The following GPR33 variants were observed in gnomAD, a reference collection of about 807,000 sequenced individuals.
GPR33 encodes the protein probable G protein-coupled receptor 33.
Under a neutral mutation model 3.1 loss-of-function variants are expected in GPR33, and 4 were observed. That is an observed-to-expected ratio of 1.29 (90% confidence interval 0.64 to 2.96). The LOEUF is 2.96. GPR33 is among the 30% of genes most tolerant of loss of function. The pLI is 0.01. For missense variants in GPR33, 390 were observed against 388.9 expected, an observed-to-expected ratio of 1.00 and a Z score of -0.02; for synonymous variants, 138 against 142.0, an observed-to-expected ratio of 0.97 and a Z score of 0.20.
At chr14:31,485,840 A>G (rs2032414393) in intron 1 of GPR33, among the ~76,000 whole-genome samples, 1 of 152,138 alleles carries the variant, frequency 6.6e-6, no homozygotes, top group Admixed American at 6.5e-5. Flanking sequence ...AGTGTTTTTA[A>G]TAATGCTCAG....
intron 1 of GPR33, among the ~76,000 whole-genome samples, chr14:31,487,432 G>T (rs1186859781): frequency 1.4e-3 from 96 of 70,342 alleles, no homozygotes; most frequent in East Asian, 3.4e-3. Context: ...AAGCCCCTCA[G>T]TTTTTTTTTT....
Position 31,483,247 on chromosome 14 carries a change from G to T in GPR33, c.719C>A (p.Ser240Tyr), listed in dbSNP as rs2032380414. Residue 240 changes from serine to tyrosine, a missense_variant, in exon 2 of 2, where the codon TCC becomes TAC. Transcript: ENST00000399285. Reference sequence around the variant, plus strand: ...CATCATAACTTTGAAGGGCTTGCTGGATTTAAACAGGCTCCTCTCTTTCAC... The same window carrying T: ...CATCATAACTTTGAAGGGCTTGCTGTATTTAAACAGGCTCCTCTCTTTCAC... ...SKVKERSLFK[S>Y]SKPFKVMMTA... 1.3e-6 allele frequency: 2 copies of T among 1,535,996 alleles called. No individual in the cohort carries two copies. Among genetic ancestry groups the T allele is most frequent in the Non-Finnish European group, 8.7e-7 (1 of 1,146,928 alleles).
In GPR33 at chr14:31,483,670, G is replaced by T. The variant is rs887562033; in HGVS notation, c.296C>A (p.Ala99Asp). The T allele has an allele frequency of 6.5e-7, 1 of 1,536,190 alleles. No individual in the cohort carries two copies. Among genetic ancestry groups the T allele is most frequent in the Admixed American group, 2.0e-5 (1 of 51,006 alleles). Residue 99 changes from alanine (A) to aspartate (D), a missense_variant, in exon 2 of 2, where the codon GCC becomes GAC. Physicochemically the swap from Ala to Asp is moderately radical, Grantham distance 126. Transcript: ENST00000399285. ...LQDNHWNFGTALCKVFNGTLS... is the reference protein window; with the variant it reads ...LQDNHWNFGTDLCKVFNGTLS... Reference sequence around the variant, plus strand: ...AGTGCCATTGAAGACCTTGCACAAGGCAGTTCCAAAGTTCCAGTGATTGTC... The same window carrying T: ...AGTGCCATTGAAGACCTTGCACAAGTCAGTTCCAAAGTTCCAGTGATTGTC...
rs17097918 is a variant in GPR33 at position 31,483,538 on chromosome 14, C to G, written c.428G>C (p.Arg143Pro). Residue 143 changes from arginine to proline, a missense_variant, in exon 2 of 2, where the codon CGC becomes CCC. Physicochemically the swap from Arg to Pro is moderately radical, Grantham distance 103. Transcript: ENST00000399285. ...TCCCAGGACAATGCTGGAAGCCCAG[C>G]GCGGGGTTCGGTGCTGCTGGGACCA... ...PVWSQQHRTP[R>P]WASSIVLGVW... 1.3e-6 allele frequency: 2 copies of G among 1,536,026 alleles called. No homozygotes were observed. The highest frequency in any genetic ancestry group is 3.9e-5 in the Admixed American group (2 of 50,986).
At chr14:31,484,368 C>A (rs892031875) in intron 1 of GPR33, among the ~76,000 whole-genome samples, 1 of 151,984 alleles carries the variant, frequency 6.6e-6, no homozygotes, top group Non-Finnish European at 1.5e-5. Context: ...TCAGCCTCAA[C>A]CTCCTGGGCT....
At chr14:31,487,674 G>C (rs1344718313) in intron 1 of GPR33, among the ~76,000 whole-genome samples, 2 of 151,996 alleles carry the variant, frequency 1.3e-5, no homozygotes, top group African/African-American at 4.8e-5. Context: ...TCCTGACCTT[G>C]TGATCTGCCC....
At chr14:31,484,314 C>A (rs542643071) in intron 1 of GPR33, among the ~76,000 whole-genome samples, 1 of 151,962 alleles carries the variant, frequency 6.6e-6, no homozygotes, top group Admixed American at 6.6e-5. Flanking sequence ...TAGGATCTCA[C>A]TCTGTCACCC....
chr14:31,483,254 A>G lies in GPR33; in HGVS notation c.712T>C (p.Phe238Leu), dbSNP rs1183727538. The G allele has an allele frequency of 6.5e-7, 1 of 1,536,024 alleles. No homozygotes were observed. Among genetic ancestry groups the G allele is most frequent in the African/African-American group, 1.4e-5 (1 of 73,054 alleles). ...ACTTTGAAGGGCTTGCTGGATTTAA[A>G]CAGGCTCCTCTCTTTCACCTTGCTG... ...VASKVKERSL[F>L]KSSKPFKVMM... Residue 238 changes from phenylalanine (F) to leucine (L), a missense_variant, in exon 2 of 2, where the codon TTT (phenylalanine) becomes CTT (leucine). Transcript: ENST00000399285.
chr14:31,487,520 A>G (rs1595233742), intron 1 of GPR33, among the ~76,000 whole-genome samples: 1 of 138,564 alleles, frequency 7.2e-6, no homozygotes, highest in Non-Finnish European at 1.5e-5. Context: ...GCTCACTGCA[A>G]CCTCCGCCTC....
rs1956687662 is a variant in GPR33 at position 31,483,076 on chromosome 14, G to A, written c.890C>T (p.Thr297Ile). Reference protein sequence around the residue: ...TTSFNTIFSPTLYLFVGENFK... With the variant: ...TTSFNTIFSPILYLFVGENFK... ...ATTCTCCCCAACAAATAAGTAGAGT[G>A]TGGGAGAAAAGATAGTATTGAAAGA... The change falls in exon 2 of 2, where the codon ACA becomes ATA. Residue 297 changes from threonine to isoleucine, a missense_variant. Transcript: ENST00000399285. 1 of 1,536,014 alleles carries A rather than the reference G, an allele frequency of 6.5e-7. No homozygotes were observed. The highest frequency in any genetic ancestry group is 8.7e-7 in the Non-Finnish European group (1 of 1,146,906).
Position 31,482,947 on chromosome 14 carries a change from A to T in GPR33, c.*17T>A. ...TGTTTGCTTAAGAATCTAGAATTTAAATTTAGGCTTCTGAGTTTAGGTTTG... is the reference window on the plus strand; with the variant it reads ...TGTTTGCTTAAGAATCTAGAATTTATATTTAGGCTTCTGAGTTTAGGTTTG... On this transcript the variant is annotated 3_prime_UTR_variant, in exon 2 of 2. Coordinates refer to ENST00000399285, the MANE Select transcript of GPR33 (RefSeq NM_001197184.3). The T allele has an allele frequency of 6.8e-7, 1 of 1,480,402 alleles. No homozygotes were observed. 91.7% of individuals were successfully genotyped at this position (1,480,402 alleles called of 1,614,324 possible). A position where few individuals can be genotyped will look rare whatever the true frequency, so the allele number is the denominator to read the frequency against.
At chr14:31,487,381 T>C (rs2032429901) in intron 1 of GPR33, among the ~76,000 whole-genome samples, 1 of 150,720 alleles carries the variant, frequency 6.6e-6, no homozygotes, top group African/African-American at 2.4e-5. Context: ...ACTTACCAGC[T>C]CTGCAAGTTC....
At chr14:31,485,406 T>C (rs61994238) in intron 1 of GPR33, among the ~76,000 whole-genome samples, 43,264 of 150,962 alleles carry the variant, frequency 0.29, 7,773 homozygotes, top group Non-Finnish European at 0.41. Flanking sequence ...GAGGCCGAGG[T>C]GGGCGGATCA....
At position 31,483,659 on chromosome 14, in the gene GPR33, C is replaced by T. The variant is rs962344033; in HGVS notation, c.307G>A (p.Val103Ile). 2 of 1,536,118 alleles carry T rather than the reference C, an allele frequency of 1.3e-6. No individual in the cohort carries two copies. ...CCCAGAGACAAAGTGCCATTGAAGA[C>T]CTTGCACAAGGCAGTTCCAAAGTTC... is the stretch of plus-strand genomic sequence containing the variant. ...HWNFGTALCKVFNGTLSLGMF... is the reference protein window; with the variant it reads ...HWNFGTALCKIFNGTLSLGMF... Residue 103 changes from valine to isoleucine, a missense_variant, in exon 2 of 2, where the codon GTC (valine) becomes ATC (isoleucine). Coordinates refer to ENST00000399285, the MANE Select transcript of GPR33 (RefSeq NM_001197184.3).
chr14:31,485,282 G>A (rs1169025131), intron 1 of GPR33, among the ~76,000 whole-genome samples: 1 of 151,930 alleles, frequency 6.6e-6, no homozygotes, highest in Non-Finnish European at 1.5e-5. Flanking sequence ...GGACAAAAAG[G>A]AGAAAAGTCA....
In GPR33 at chr14:31,483,750, G is replaced by C; in HGVS notation, c.216C>G (p.Leu72=). Residue 72 remains leucine, a synonymous_variant, in exon 2 of 2, where the codon CTC becomes CTG. Transcript: ENST00000399285. ...GAATCATTGTTGAAATAAAATAAGA[G>C]AGAATGAGATGAAAAAATAAGAGAG... ...VNTLLFFHLI[L]SYFISTMILP... is the part of the protein sequence containing the mutation. The C allele has an allele frequency of 1.3e-6, 2 of 1,536,084 alleles. No individual in the cohort carries two copies. Among genetic ancestry groups the C allele is most frequent in the Non-Finnish European group, 1.7e-6 (2 of 1,146,894 alleles).
At chr14:31,486,423 C>T (rs1439316598) in intron 1 of GPR33, among the ~76,000 whole-genome samples, 1 of 152,212 alleles carries the variant, frequency 6.6e-6, no homozygotes, top group Non-Finnish European at 1.5e-5. Context: ...AAAATCACAA[C>T]TTCCTAAGTT....
intron 1 of GPR33, among the ~76,000 whole-genome samples, chr14:31,485,582 C>T (rs1262432792): frequency 4.0e-5 from 6 of 149,550 alleles, no homozygotes; most frequent in African/African-American, 1.2e-4. Context: ...TGCAGTGAGC[C>T]GAACCGAGAT....
In GPR33 at chr14:31,483,380, C is replaced by G; in HGVS notation, c.586G>C (p.Ala196Pro). The change falls in exon 2 of 2, where the codon GCA (alanine) becomes CCA (proline). Residue 196 changes from alanine to proline, a missense_variant. Physicochemically the swap from Ala to Pro is conservative, Grantham distance 27. Transcript: ENST00000399285. ...GCCACATGAATCCACTGCCTTGATG[C>G]TTGCATCTCCTTGCTTTCCCAGTTA... ...STNWESKEMQASRQWIHVACF... is the reference protein window; with the variant it reads ...STNWESKEMQPSRQWIHVACF... 8 of 1,536,172 alleles carry G rather than the reference C, an allele frequency of 5.2e-6. No individual in the cohort carries two copies. The highest frequency in any genetic ancestry group is 7.0e-6 in the Non-Finnish European group (8 of 1,146,914).
Sources: allele counts gnomAD v4.1 joint callset (sites outside exome capture counted in the v4.1 genomes callset), GRCh38; gene constraint gnomAD v4.1.1; transcripts MANE v1.5; gene names NCBI Gene and HGNC (gene_info 2026-07-23, HGNC 2026-07-21).